The following PCDH15 variants were observed in gnomAD, a reference collection of about 807,000 sequenced individuals.
PCDH15 encodes the protein protocadherin related 15, also known as protocadherin-15.
Under a neutral mutation model 178.5 loss-of-function variants are expected in PCDH15, and 129 were observed. That is an observed-to-expected ratio of 0.72 (90% CI 0.63 to 0.84). The LOEUF (loss-of-function observed/expected upper bound fraction) is 0.84. Ranked by LOEUF, PCDH15 falls within the 40% of genes least tolerant of loss-of-function variation. PCDH15 has a pLI of 0.00. For missense variants in PCDH15, 2,230 were observed against 2,099.9 expected (o/e 1.06, Z -1.21); for synonymous variants, 800 against 732.0 (o/e 1.09, Z -1.50).
chr10:55,431,130 T>C (rs2132056689), intron 2 of PCDH15, among the ~76,000 whole-genome samples: 1 of 152,272 alleles, frequency 6.6e-6, no homozygotes, highest in African/African-American at 2.4e-5. Flanking sequence ...GGATTTTGAG[T>C]AATATTTAAA....
intron 1 of PCDH15, among the ~76,000 whole-genome samples, chr10:54,684,800 T>C (rs1002574035): frequency 1.2e-4 from 13 of 112,048 alleles, no homozygotes; most frequent in Admixed American, 3.2e-4. Context: ...CATTTGATAG[T>C]GTTATTTCCT....
chr10:54,193,177 G>A (rs777283445), intron 11 of PCDH15, among the ~76,000 whole-genome samples: 1 of 152,098 alleles, frequency 6.6e-6, no homozygotes, highest in Non-Finnish European at 1.5e-5. Flanking sequence ...TTTCATCAAT[G>A]CCCTGTGAGT....
chr10:54,002,198 G>A (rs191894559), intron 20 of PCDH15, among the ~76,000 whole-genome samples: 11 of 151,396 alleles, frequency 7.3e-5, no homozygotes, highest in Admixed American at 3.3e-4. Context: ...TATATAAAGC[G>A]AATATTATTA....
chr10:55,286,890 G>T (rs889646545), intron 1 of PCDH15, among the ~76,000 whole-genome samples: 12 of 151,746 alleles, frequency 7.9e-5, no homozygotes, highest in African/African-American at 2.9e-4. Context: ...CAGAGTTAAT[G>T]GACTTACTAT....
intron 15 of PCDH15, among the ~76,000 whole-genome samples, chr10:54,114,137 C>A (rs1442283374): frequency 6.6e-6 from 1 of 152,128 alleles, no homozygotes; most frequent in Non-Finnish European, 1.5e-5. Flanking sequence ...TATCAATATT[C>A]TGTCTGCTTT....
chr10:54,280,281 GT>G (rs60842227), intron 8 of PCDH15, among the ~76,000 whole-genome samples: 34,541 of 142,634 alleles, frequency 0.24, 4,141 homozygotes, highest in African/African-American at 0.31. Flanking sequence ...AAAATTTCTA[GT>G]TTTTTTTTTT....
intron 2 of PCDH15, among the ~76,000 whole-genome samples, chr10:55,032,998 G>A (rs945846773): frequency 6.6e-6 from 1 of 152,138 alleles, no homozygotes; most frequent in Non-Finnish European, 1.5e-5. Flanking sequence ...ATGTTCCAGA[G>A]GGTGCAAGCA....
At chr10:54,745,332 G>T (rs200405658) in intron 1 of PCDH15, among the ~76,000 whole-genome samples, 7 of 90,226 alleles carry the variant, frequency 7.8e-5, no homozygotes, top group East Asian at 9.4e-4. Context: ...ACTATTCAAA[G>T]AAAAGATTAA....
intron 3 of PCDH15, among the ~76,000 whole-genome samples, chr10:54,477,092 A>G (rs1043392996): frequency 6.6e-6 from 1 of 152,092 alleles, no homozygotes; most frequent in South Asian, 2.1e-4. Context: ...ATTTATTTAC[A>G]TCTTTCTCAT....
intron 3 of PCDH15, among the ~76,000 whole-genome samples, chr10:54,485,418 A>C (rs915584869): frequency 2.0e-5 from 3 of 151,982 alleles, no homozygotes; most frequent in Non-Finnish European, 2.9e-5. Flanking sequence ...TTGGATACTA[A>C]GAAAAGAATG....
At chr10:55,442,553 GACAA>G (rs1189369584) in intron 2 of PCDH15, among the ~76,000 whole-genome samples, 3 of 146,792 alleles carry the variant, frequency 2.0e-5, no homozygotes, top group African/African-American at 7.5e-5. Flanking sequence ...ATTTATCTGT[GACAA>G]ATTAATTATT....
intron 1 of PCDH15, among the ~76,000 whole-genome samples, chr10:55,186,145 C>T (rs996727203): frequency 2.0e-5 from 3 of 151,100 alleles, no homozygotes; most frequent in Admixed American, 6.6e-5. Context: ...ATTTATAAGA[C>T]TATATTGAAA....
intron 5 of PCDH15, among the ~76,000 whole-genome samples, chr10:54,349,613 G>C (rs954598618): frequency 6.6e-6 from 1 of 152,064 alleles, no homozygotes; most frequent in African/African-American, 2.4e-5. Flanking sequence ...TTTCCATGCA[G>C]AAATCACATT....
At chr10:55,530,176 T>G (rs1220996365) in intron 2 of PCDH15, among the ~76,000 whole-genome samples, 1 of 151,966 alleles carries the variant, frequency 6.6e-6, no homozygotes, top group Non-Finnish European at 1.5e-5. Flanking sequence ...TTTTAAATGT[T>G]TAACTGTCGT....
At position 53,823,151 on chromosome 10, in the gene PCDH15, A is replaced by G. The variant is rs746377416; in HGVS notation, c.4368-2921T>C. The G allele has an allele frequency of 2.2e-5, 35 of 1,613,836 alleles. No individual in the cohort carries two copies. In the East Asian group the frequency reaches 7.8e-4, roughly 36 times the overall value. Reference sequence around the variant, plus strand: ...TTATGTTTTCCTTATAAAGGGGATTATGGGCACTTAAGTCATCCTCATCAG... The same window carrying G: ...TTATGTTTTCCTTATAAAGGGGATTGTGGGCACTTAAGTCATCCTCATCAG... On this transcript the variant is annotated intron_variant, in intron 32 of 37. Coordinates refer to ENST00000644397, the MANE Select transcript of PCDH15 (RefSeq NM_001384140.1).
At chr10:55,250,161 G>A (rs1004387479) in intron 1 of PCDH15, among the ~76,000 whole-genome samples, 66 of 152,102 alleles carry the variant, frequency 4.3e-4, no homozygotes, top group Admixed American at 9.2e-4. Flanking sequence ...TATTGAGACA[G>A]AGTCCTGTTC....
intron 20 of PCDH15, among the ~76,000 whole-genome samples, chr10:54,005,481 T>C (rs189026128): frequency 6.6e-6 from 1 of 152,216 alleles, no homozygotes; most frequent in East Asian, 1.9e-4. Flanking sequence ...AGTAATCTGA[T>C]TTTAAAATGG....
chr10:55,220,675 G>C (rs1840847816), intron 1 of PCDH15, among the ~76,000 whole-genome samples: 2 of 152,006 alleles, frequency 1.3e-5, no homozygotes, highest in Admixed American at 6.6e-5. Flanking sequence ...AAAAGATACA[G>C]TGAAAAATAT....
At chr10:54,419,232 A>G (rs1180974883) in intron 3 of PCDH15, among the ~76,000 whole-genome samples, 3 of 109,758 alleles carry the variant, frequency 2.7e-5, no homozygotes, top group Non-Finnish European at 5.9e-5. Context: ...ATATACATAT[A>G]CATATATACA....
Sources: gnomAD v4.1 joint callset for allele counts (sites outside exome capture counted in the v4.1 genomes callset) on GRCh38, gnomAD v4.1.1 for gene constraint, MANE v1.5 for transcripts, NCBI Gene and HGNC (gene_info 2026-07-23, HGNC 2026-07-21) for gene names.